LRMDA: variants seen among roughly 807,000 people sequenced by gnomAD.
LRMDA encodes leucine rich melanocyte differentiation associated.
In LRMDA, 18 loss-of-function variants were observed where a neutral mutation model predicts 29.8. The observed-to-expected ratio is 0.60, with a 90% CI of 0.42 to 0.90. The LOEUF is 0.90. Ranked by LOEUF, LRMDA falls within the 40% of genes least tolerant of loss-of-function variation. LRMDA has a pLI of 0.00. For synonymous variants in LRMDA, 125 were observed against 109.4 expected, an observed-to-expected ratio of 1.14 and a Z score of -0.89; for missense variants, 273 against 273.9, an observed-to-expected ratio of 1.00 and a Z score of 0.02.
intron 2 of LRMDA, among the ~76,000 whole-genome samples, chr10:75,614,081 A>G (rs1841068838): frequency 6.6e-6 from 1 of 152,146 alleles, no homozygotes; most frequent in Non-Finnish European, 1.5e-5. Flanking sequence ...CTCCTGGAAT[A>G]TCTTATAGTT....
Position 76,459,454 on chromosome 10 carries a change from A to G in LRMDA, c.602-97755A>G, listed in dbSNP as rs569928301. Among the ~76,000 whole-genome samples the G allele has an allele frequency of 2.4e-4, 37 of 152,318 alleles. 1 individual carries two copies. In the South Asian group the frequency reaches 7.5e-3, roughly 31 times the overall value. On this transcript the variant is annotated intron_variant, in intron 6 of 6. Transcript: ENST00000611255. ...TCCAAAATAGACGCACAGAATGTTA[A>G]TAAGCCCAGGATTTTGCCCTCTGTT...
At chr10:75,580,036 A>G (rs990146945) in intron 2 of LRMDA, among the ~76,000 whole-genome samples, 1 of 152,114 alleles carries the variant, frequency 6.6e-6, no homozygotes, top group Non-Finnish European at 1.5e-5. Context: ...GTCTCTCACC[A>G]CTCCTATTCA....
intron 2 of LRMDA, among the ~76,000 whole-genome samples, chr10:75,529,746 G>A (rs974123066): frequency 6.6e-6 from 1 of 152,294 alleles, no homozygotes; most frequent in East Asian, 1.9e-4. Context: ...AAACGTGTAG[G>A]AAAGAATTAG....
At chr10:76,315,214 G>C (rs763524501) in intron 5 of LRMDA, among the ~76,000 whole-genome samples, 2 of 152,258 alleles carry the variant, frequency 1.3e-5, no homozygotes, top group Non-Finnish European at 2.9e-5. Flanking sequence ...GCGGCGGCCT[G>C]TCTGGAGCAG....
intron 6 of LRMDA, among the ~76,000 whole-genome samples, chr10:76,404,779 A>T (rs771894216): frequency 3.3e-5 from 5 of 152,200 alleles, no homozygotes; most frequent in Non-Finnish European, 7.3e-5. Context: ...AGATGTGATT[A>T]AGTTAAGGAA....
At chr10:76,372,046 A>T (rs1276692139) in intron 6 of LRMDA, among the ~76,000 whole-genome samples, 1 of 152,200 alleles carries the variant, frequency 6.6e-6, no homozygotes, top group Non-Finnish European at 1.5e-5. Context: ...TTGACCTAAA[A>T]GTGTTGTATA....
At position 76,214,330 on chromosome 10, in the gene LRMDA, A is replaced by ATTTTTTTTTT. The variant is rs753986574; in HGVS notation, c.517-110055_517-110046dup. ...TACTGTAAGATGTCACTTGAACCAA[A>ATTTTTTTTTT]TTTTTTTTTTTTTTTTTTTTTTTTT... On this transcript the variant is annotated intron_variant, in intron 5 of 6. Transcript: ENST00000611255. Among the ~76,000 whole-genome samples the ATTTTTTTTTT allele has an allele frequency of 9.2e-5, 8 of 87,244 alleles. 1 individual carries two copies. The highest frequency in any genetic ancestry group is 3.5e-4 in the African/African-American group (7 of 20,034). The allele number at this position is 87,244 out of a possible 152,430, so 57.2% of individuals were successfully genotyped here.
At chr10:76,189,485 C>T (rs1851208031) in intron 5 of LRMDA, among the ~76,000 whole-genome samples, 3 of 152,024 alleles carry the variant, frequency 2.0e-5, no homozygotes, top group Admixed American at 6.6e-5. Context: ...TTTTTGTGTT[C>T]CCCACTGATT....
At chr10:76,203,311 G>T (rs1430224623) in intron 5 of LRMDA, among the ~76,000 whole-genome samples, 1 of 152,118 alleles carries the variant, frequency 6.6e-6, no homozygotes, top group Non-Finnish European at 1.5e-5. Context: ...TAAAAAAAAT[G>T]TTTTTGAATA....
intron 5 of LRMDA, among the ~76,000 whole-genome samples, chr10:76,281,792 AAGAG>A (rs1840209540): frequency 6.6e-6 from 1 of 152,122 alleles, no homozygotes; most frequent in Non-Finnish European, 1.5e-5. Context: ...TGCAACCTCA[AAGAG>A]AGAAAGCATC....
intron 6 of LRMDA, among the ~76,000 whole-genome samples, chr10:76,460,770 G>T (rs1051879249): frequency 6.6e-6 from 1 of 152,110 alleles, no homozygotes; most frequent in Non-Finnish European, 1.5e-5. Flanking sequence ...AAACCTCTAA[G>T]GAAAGTTCTT....
intron 2 of LRMDA, among the ~76,000 whole-genome samples, chr10:75,984,829 C>T (rs1255505236): frequency 1.3e-5 from 2 of 152,192 alleles, no homozygotes; most frequent in African/African-American, 4.8e-5. Flanking sequence ...GGCTCAAGAA[C>T]GTAAGCTGTT....
intron 2 of LRMDA, among the ~76,000 whole-genome samples, chr10:75,929,037 C>G (rs1164295634): frequency 6.6e-6 from 1 of 152,172 alleles, no homozygotes; most frequent in Non-Finnish European, 1.5e-5. Flanking sequence ...CTACAATTCT[C>G]ACCTTTGAAA....
Position 76,148,468 on chromosome 10 carries a change from G to A in LRMDA, c.516+89685G>A, listed in dbSNP as rs189860421. Among the ~76,000 whole-genome samples the A allele has an allele frequency of 1.5e-3, 235 of 152,280 alleles. 1 individual carries two copies. Among genetic ancestry groups the A allele is most frequent in the Middle Eastern group, 0.01 (3 of 294 alleles). Reference sequence around the variant, plus strand: ...GCTGTGCTAGCAATGAGCGACACACGGTGGGCATAGGACCCTCCGAGCCAT... The same window carrying A: ...GCTGTGCTAGCAATGAGCGACACACAGTGGGCATAGGACCCTCCGAGCCAT... On this transcript the variant is annotated intron_variant, in intron 5 of 6. Transcript: ENST00000611255.
At chr10:76,553,112 G>A (rs1244608708) in intron 6 of LRMDA, among the ~76,000 whole-genome samples, 2 of 152,168 alleles carry the variant, frequency 1.3e-5, no homozygotes, top group Non-Finnish European at 2.9e-5. Context: ...AGAAAAATTA[G>A]GAGTCTCATT....
Position 76,263,271 on chromosome 10 carries a change from C to CT in LRMDA, c.517-61120dup, listed in dbSNP as rs1007395020. On this transcript the variant is annotated intron_variant, in intron 5 of 6. Coordinates refer to ENST00000611255, the MANE Select transcript of LRMDA (RefSeq NM_001305581.2). ...GACCACAAAAGGAACTTCTAACAAA[C>CT]TTTTTTTTTTAAAAAAAGATCATCT... Among the ~76,000 whole-genome samples, 35 of 147,348 alleles carry CT rather than the reference C, an allele frequency of 2.4e-4. No homozygotes were observed. In the East Asian group the frequency reaches 2.7e-3, roughly 12 times the overall value.
At chr10:75,564,837 A>G (rs1478228870) in intron 2 of LRMDA, among the ~76,000 whole-genome samples, 1 of 152,232 alleles carries the variant, frequency 6.6e-6, no homozygotes, top group Non-Finnish European at 1.5e-5. Flanking sequence ...ATTTTTCACA[A>G]GCTTCAAAGG....
At chr10:76,068,921 A>C (rs929594010) in intron 5 of LRMDA, among the ~76,000 whole-genome samples, 1 of 152,234 alleles carries the variant, frequency 6.6e-6, no homozygotes, top group Non-Finnish European at 1.5e-5. Flanking sequence ...AGATGCTCAC[A>C]AGAGAGGGGC....
intron 5 of LRMDA, among the ~76,000 whole-genome samples, chr10:76,277,016 C>T (rs1332623350): frequency 6.6e-6 from 1 of 152,190 alleles, no homozygotes; most frequent in African/African-American, 2.4e-5. Context: ...TCCAAATGCA[C>T]AGCTCAGAGA....
Sources: allele counts gnomAD v4.1 joint callset (sites outside exome capture counted in the v4.1 genomes callset), GRCh38; gene constraint gnomAD v4.1.1; transcripts MANE v1.5; gene names NCBI Gene and HGNC (gene_info 2026-07-23, HGNC 2026-07-21).